Variants in ZFHX4 observed in about 807,000 individuals in gnomAD.
The protein encoded by ZFHX4 is zinc finger homeobox protein 4.
ZFHX4 carries 56 observed loss-of-function variants against 267.6 expected under a neutral mutation model. The ratio of observed to expected loss-of-function variants is 0.21; its 90% confidence interval spans 0.17 to 0.26. The LOEUF (loss-of-function observed/expected upper bound fraction) is 0.26, where lower values mean the gene tolerates loss of function less well. Among genes scored for constraint, ZFHX4 ranks in the 10% least tolerant of loss-of-function variants. ZFHX4 has a pLI of 1.00. For missense variants in ZFHX4, 4,332 were observed against 4,420.0 expected, an observed-to-expected ratio of 0.98 and a Z score of 0.56; for synonymous variants, 1,778 against 1,665.6, an observed-to-expected ratio of 1.07 and a Z score of -1.64.
intron 1 of ZFHX4, 133 bp from the exon 2 acceptor site, chr8:76,703,910 C>A (rs1023134283): frequency 4.6e-6 from 3 of 649,160 alleles, no homozygotes; most frequent in African/African-American, 3.7e-5. Flanking sequence ...TAGATAGGCA[C>A]GCCGGTTTTA....
At chr8:76,835,070 A>G (rs907147171) in intron 5 of ZFHX4, among the ~76,000 whole-genome samples, 12 of 150,936 alleles carry the variant, frequency 8.0e-5, no homozygotes, top group African/African-American at 2.9e-4. Flanking sequence ...TAGGTTTTAT[A>G]CAAAGTATAT....
At chr8:76,736,853 T>C (rs1334116119) in intron 3 of ZFHX4, among the ~76,000 whole-genome samples, 3 of 152,112 alleles carry the variant, frequency 2.0e-5, no homozygotes, top group African/African-American at 7.2e-5. Context: ...CCTTGATTAA[T>C]TGTAGGAGTA....
intron 3 of ZFHX4, among the ~76,000 whole-genome samples, chr8:76,714,795 G>T (rs1003183685): frequency 2.6e-5 from 4 of 152,300 alleles, no homozygotes; most frequent in African/African-American, 9.6e-5. Context: ...CAGAGACAAA[G>T]AGTTTTCTAA....
intron 4 of ZFHX4, among the ~76,000 whole-genome samples, chr8:76,830,727 G>A (rs1229105313): frequency 6.6e-6 from 1 of 152,064 alleles, no homozygotes; most frequent in African/African-American, 2.4e-5. Context: ...AACAGTTGCT[G>A]ATTTTGACAT....
intron 3 of ZFHX4, among the ~76,000 whole-genome samples, chr8:76,753,507 G>A (rs1809677382): frequency 6.6e-6 from 1 of 151,648 alleles, no homozygotes; most frequent in Admixed American, 6.6e-5. Flanking sequence ...AATTCTCTTT[G>A]TCTTTTGCTA....
intron 2 of ZFHX4, 131 bp from the exon 3 acceptor site, chr8:76,707,415 C>A: frequency 1.3e-6 from 1 of 794,130 alleles, no homozygotes; most frequent in South Asian, 2.3e-5. Context: ...CTGATTGAAT[C>A]CTATTACAGC....
chr8:76,749,882 AG>A (rs1809568553), intron 3 of ZFHX4, among the ~76,000 whole-genome samples: 2 of 152,280 alleles, frequency 1.3e-5, no homozygotes, highest in South Asian at 4.1e-4. Context: ...ATATTGCAAA[AG>A]GTTGATTGCA....
chr8:76,681,692 C>G (rs1014642721), intron 1 of ZFHX4, 72 bp downstream of exon 1: 1 of 376,502 alleles, frequency 2.7e-6, no homozygotes, highest in Non-Finnish European at 4.7e-6. Context: ...ATCTTTCCAG[C>G]CTGATCTTGC....
chr8:76,821,260 A>G (rs182830078), intron 4 of ZFHX4, among the ~76,000 whole-genome samples: 55 of 152,150 alleles, frequency 3.6e-4, no homozygotes, highest in East Asian at 1.2e-3. Context: ...TGTTACATCT[A>G]CCTTCAGATA....
At chr8:76,842,304 G>C (rs748434034) in intron 5 of ZFHX4, among the ~76,000 whole-genome samples, 20 of 152,148 alleles carry the variant, frequency 1.3e-4, no homozygotes, top group South Asian at 1.2e-3. Context: ...CCAGTCTATG[G>C]AACAGTAGGT....
At chr8:76,711,665 A>G (rs1808427648) in intron 3 of ZFHX4, among the ~76,000 whole-genome samples, 1 of 152,158 alleles carries the variant, frequency 6.6e-6, no homozygotes, top group African/African-American at 2.4e-5. Flanking sequence ...AATTAAAGAA[A>G]CTCCTTTACT....
intron 4 of ZFHX4, among the ~76,000 whole-genome samples, chr8:76,794,060 C>CT (rs534340830): frequency 6.6e-6 from 1 of 152,064 alleles, no homozygotes; most frequent in Non-Finnish European, 1.5e-5. Context: ...CTTAACAGAA[C>CT]TTTTTTATTT....
At chr8:76,834,949 T>C (rs908129517) in intron 5 of ZFHX4, among the ~76,000 whole-genome samples, 1 of 147,968 alleles carries the variant, frequency 6.8e-6, no homozygotes, top group Non-Finnish European at 1.5e-5. Context: ...GTCTGGACTC[T>C]TTTTTTTTTC....
intron 4 of ZFHX4, among the ~76,000 whole-genome samples, chr8:76,794,144 A>G (rs1362520292): frequency 1.3e-5 from 2 of 152,196 alleles, no homozygotes; most frequent in Non-Finnish European, 2.9e-5. Context: ...ATAAATATGT[A>G]CATGGCAATG....
chr8:76,829,422 A>C (rs531209661), intron 4 of ZFHX4, among the ~76,000 whole-genome samples: 1 of 152,096 alleles, frequency 6.6e-6, no homozygotes, highest in East Asian at 1.9e-4. Flanking sequence ...AGGAGTAATG[A>C]GTTGGAGACT....
intron 1 of ZFHX4, among the ~76,000 whole-genome samples, chr8:76,686,504 C>T (rs1415718335): frequency 6.6e-6 from 1 of 152,104 alleles, no homozygotes; most frequent in African/African-American, 2.4e-5. Flanking sequence ...ATGCTTTATT[C>T]AGTGGCTTAA....
intron 3 of ZFHX4, among the ~76,000 whole-genome samples, chr8:76,757,426 C>T (rs969694539): frequency 1.4e-4 from 22 of 152,152 alleles, no homozygotes; most frequent in African/African-American, 5.3e-4. Flanking sequence ...TTTGTAGCTC[C>T]ACCACAAAAG....
intron 4 of ZFHX4, among the ~76,000 whole-genome samples, chr8:76,796,345 C>T (rs181894918): frequency 6.6e-6 from 1 of 152,038 alleles, no homozygotes; most frequent in Non-Finnish European, 1.5e-5. Context: ...GAGATAGATG[C>T]TAACACTTAA....
chr8:76,684,287 T>A (rs1482553592), intron 1 of ZFHX4, among the ~76,000 whole-genome samples: 1 of 151,984 alleles, frequency 6.6e-6, no homozygotes, highest in African/African-American at 2.4e-5. Context: ...TATTTGATAG[T>A]TTTCAAGGTT....
Sources: allele counts gnomAD v4.1 joint callset (sites outside exome capture counted in the v4.1 genomes callset), GRCh38; gene constraint gnomAD v4.1.1; transcripts MANE v1.5; gene names NCBI Gene and HGNC (gene_info 2026-07-23, HGNC 2026-07-21).